BBS1: variants seen among roughly 807,000 people sequenced by gnomAD.
The protein encoded by BBS1 is BBSome complex member BBS1.
BBS1 carries 60 observed loss-of-function variants against 73.9 expected under a neutral mutation model. That is an observed-to-expected ratio of 0.81 (90% CI 0.66 to 1.01). The LOEUF (loss-of-function observed/expected upper bound fraction) is 1.01. Ranked by LOEUF, BBS1 falls within the 50% of genes least tolerant of loss-of-function variation. BBS1 has a pLI of 0.00. For missense variants in BBS1, 718 were observed against 770.3 expected (o/e 0.93, Z 0.80); for synonymous variants, 283 against 317.4 (o/e 0.89, Z 1.15).
At chr11:66,531,607 AAC>A (rs1856783168) in intron 15 of BBS1, 47 bp from the exon 16 acceptor site, 1 of 1,613,044 alleles carries the variant, frequency 6.2e-7, no homozygotes, top group Non-Finnish European at 8.5e-7. Context: ...GAATATGCCA[AAC>A]ACTGGCACGA....
At chr11:66,523,362 C>T (rs1856324036) in intron 9 of BBS1, 94 bp from the exon 10 acceptor site, 6 of 1,568,602 alleles carry the variant, frequency 3.8e-6, no homozygotes, top group Non-Finnish European at 5.3e-6. Context: ...AGTGTTCCTC[C>T]CAGGTGAGTC....
intron 9 of BBS1, 38 bp downstream of exon 9, chr11:66,521,414 T>A: frequency 6.5e-7 from 1 of 1,546,886 alleles, no homozygotes; most frequent in South Asian, 1.1e-5. Flanking sequence ...GGGAGGAACA[T>A]CTCAGAAAAC....
chr11:66,517,963 T>A (rs963561059), intron 7 of BBS1, among the ~76,000 whole-genome samples: 2 of 139,682 alleles, frequency 1.4e-5, no homozygotes, highest in Admixed American at 7.1e-5. Flanking sequence ...TTTTCTTTTC[T>A]TTTTTTTTTT....
intron 8 of BBS1, chr11:66,519,949 AT>A: frequency 1.8e-6 from 1 of 551,608 alleles, no homozygotes; most frequent in Non-Finnish European, 3.2e-6. Context: ...CTCTCTAGAC[AT>A]TTTCATATTT....
At chr11:66,521,891 C>T (rs1856240409) in intron 9 of BBS1, among the ~76,000 whole-genome samples, 1 of 106,456 alleles carries the variant, frequency 9.4e-6, no homozygotes, top group African/African-American at 3.8e-5. Context: ...GGTAACGGAG[C>T]GAGACTCCGT....
chr11:66,526,904 G>A, intron 13 of BBS1, 97 bp downstream of exon 13: 2 of 1,610,282 alleles, frequency 1.2e-6, no homozygotes, highest in Non-Finnish European at 8.5e-7. Flanking sequence ...TGCACTGGGA[G>A]GAGATCTCGG....
chr11:66,529,330 A>G, intron 13 of BBS1: 2 of 1,535,842 alleles, frequency 1.3e-6, no homozygotes, highest in Non-Finnish European at 1.7e-6. Flanking sequence ...TGGTTTCCGC[A>G]GCATTGAGCC....
chr11:66,526,816 C>T lies in BBS1; in HGVS notation c.1339+9C>T. ...GCGGGAGGCTGGCACCGGTGAGCCT[C>T]AGACTGGGTCCTTTCCCTTCTTCCT... On this transcript the variant is annotated intron_variant, in intron 13 of 16. Coordinates refer to ENST00000318312, the MANE Select transcript of BBS1 (RefSeq NM_024649.5). 6.2e-7 allele frequency: 1 copy of T among 1,614,214 alleles called. No individual in the cohort carries two copies. Among genetic ancestry groups the T allele is most frequent in the Non-Finnish European group, 8.5e-7 (1 of 1,180,042 alleles).
Position 66,521,276 on chromosome 11 carries a change from C to T in BBS1, c.730C>T (p.Leu244Phe). 3 of 1,614,024 alleles carry T rather than the reference C, an allele frequency of 1.9e-6. No individual in the cohort carries two copies. Among genetic ancestry groups the T allele is most frequent in the Non-Finnish European group, 2.5e-6 (3 of 1,179,890 alleles). ...TTGCGCTTCTTGTTTGCAGATGAGC[C>T]TTCCCAGCGTCCCCGTCTTCCTAGA... is the stretch of plus-strand genomic sequence containing the variant. ...EAFTILAKMSLPSVPVFLEVS... is the reference protein window; with the variant it reads ...EAFTILAKMSFPSVPVFLEVS... Residue 244 changes from leucine to phenylalanine, a missense_variant, in exon 9 of 17, where the codon CTT becomes TTT. Transcript: ENST00000318312.
At chr11:66,513,773 A>C (rs11227511) in intron 3 of BBS1, among the ~76,000 whole-genome samples, 37,516 of 152,134 alleles carry the variant, frequency 0.25, 4,861 homozygotes, top group East Asian at 0.27. Flanking sequence ...AGTATCCAGG[A>C]GTTCTTGGGT....
At chr11:66,526,383 CGATCTTTCT>C in intron 12 of BBS1, among the ~76,000 whole-genome samples, 191 bp downstream of exon 12, 1 of 152,306 alleles carries the variant, frequency 6.6e-6, no homozygotes, top group Admixed American at 6.5e-5. Flanking sequence ...GGGCTGGATT[CGATCTTTCT>C]AGTTCACCCA....
At chr11:66,519,373 G>GA (rs1186547445) in intron 7 of BBS1, among the ~76,000 whole-genome samples, 12 of 147,326 alleles carry the variant, frequency 8.1e-5, no homozygotes, top group Admixed American at 2.7e-4. Context: ...CCTGTCTCAA[G>GA]AAAAAAAAAA....
At chr11:66,531,841 G>T in intron 16 of BBS1, 99 bp downstream of exon 16, 4 of 1,607,222 alleles carry the variant, frequency 2.5e-6, no homozygotes. Context: ...CCTGGGTGGG[G>T]GTGGGGGTAT....
At position 66,532,477 on chromosome 11, in the gene BBS1, T is replaced by A; in HGVS notation, c.*440T>A. On this transcript the variant is annotated 3_prime_UTR_variant, in exon 17 of 17. Coordinates refer to ENST00000318312, the MANE Select transcript of BBS1 (RefSeq NM_024649.5). ...AGGGAAATCAGAAGCTCTTCTTGGG[T>A]GAGATTGAGCCTCCTGTTGCTCCCT... 1 of 174,260 alleles carries A rather than the reference T, an allele frequency of 5.7e-6. No homozygotes were observed. The highest frequency in any genetic ancestry group is 1.2e-5 in the Non-Finnish European group (1 of 80,342). 10.8% of individuals were successfully genotyped at this position (174,260 alleles called of 1,614,324 possible).
At chr11:66,524,071 G>A in intron 11 of BBS1, 189 bp downstream of exon 11, 1 of 817,460 alleles carries the variant, frequency 1.2e-6, no homozygotes, top group East Asian at 2.7e-5. Context: ...CCTGAGGTAA[G>A]GAGTTCAAAA....
chr11:66,524,064 G>A, intron 11 of BBS1, 182 bp downstream of exon 11: 2 of 847,254 alleles, frequency 2.4e-6, no homozygotes, highest in Non-Finnish European at 3.8e-6. Flanking sequence ...CAGATCACCT[G>A]AGGTAAGGAG....
intron 4 of BBS1, among the ~76,000 whole-genome samples, chr11:66,515,140 G>A (rs897398601): frequency 2.0e-5 from 3 of 152,114 alleles, no homozygotes; most frequent in Non-Finnish European, 2.9e-5. Flanking sequence ...TTCTGGACAA[G>A]GTGTTGTGCT....
chr11:66,519,632 A>T lies in BBS1; in HGVS notation c.607A>T (p.Met203Leu). 1 of 1,613,860 alleles carries T rather than the reference A, an allele frequency of 6.2e-7. No individual in the cohort carries two copies. Among genetic ancestry groups the T allele is most frequent in the African/African-American group, 1.3e-5 (1 of 74,986 alleles). ...CCTTCTGTAGACAGTCATCACCACCATGACCACCTTGAAGAAGAACCTGGC... is the reference window on the plus strand; with the variant it reads ...CCTTCTGTAGACAGTCATCACCACCTTGACCACCTTGAAGAAGAACCTGGC... ...SIKRQTVITT[M>L]TTLKKNLADE... is the part of the protein sequence containing the mutation. The change falls in exon 8 of 17, where the codon ATG becomes TTG. Residue 203 changes from methionine to leucine, a missense_variant. Physicochemically the swap from Met to Leu is conservative, Grantham distance 15. Coordinates refer to ENST00000318312, the MANE Select transcript of BBS1 (RefSeq NM_024649.5).
chr11:66,518,667 A>G (rs937475848), intron 7 of BBS1, among the ~76,000 whole-genome samples: 2 of 149,638 alleles, frequency 1.3e-5, no homozygotes, highest in African/African-American at 4.9e-5. Context: ...GGGTTTCACC[A>G]TTTTGGCCAG....
Sources: gnomAD v4.1 joint callset for allele counts (sites outside exome capture counted in the v4.1 genomes callset) on GRCh38, gnomAD v4.1.1 for gene constraint, MANE v1.5 for transcripts, NCBI Gene and HGNC (gene_info 2026-07-23, HGNC 2026-07-21) for gene names.